CCDC88C: variants seen among roughly 807,000 people sequenced by gnomAD.
CCDC88C encodes the protein protein Daple.
In CCDC88C, 131 loss-of-function variants were observed where a neutral mutation model predicts 198.8. That is an observed-to-expected ratio of 0.66 (90% CI 0.57 to 0.76). The LOEUF is 0.76. Ranked by LOEUF, CCDC88C falls within the 30% of genes least tolerant of loss-of-function variation. CCDC88C has a pLI of 0.00. For synonymous variants in CCDC88C, 1,166 were observed against 1,114.7 expected, an observed-to-expected ratio of 1.05 and a Z score of -0.92; for missense variants, 2,553 against 2,631.6, an observed-to-expected ratio of 0.97 and a Z score of 0.65.
chr14:91,340,070 C>T (rs775174305), intron 6 of CCDC88C, 46 bp from the exon 7 acceptor site: 24 of 1,594,444 alleles, frequency 1.5e-5, no homozygotes, highest in Middle Eastern at 1.7e-4. Context: ...CAGAGACGGG[C>T]GCCCACTTCC....
At chr14:91,277,151 G>A (rs946566155) in intron 29 of CCDC88C, among the ~76,000 whole-genome samples, 2 of 151,996 alleles carry the variant, frequency 1.3e-5, no homozygotes, top group African/African-American at 2.4e-5. Context: ...TGTATTTTTT[G>A]TAGAGACAAG....
At chr14:91,372,138 C>T (rs1894835736) in intron 3 of CCDC88C, among the ~76,000 whole-genome samples, 1 of 152,118 alleles carries the variant, frequency 6.6e-6, no homozygotes, top group Admixed American at 6.5e-5. Context: ...GCAGCCATTC[C>T]CTCTCTCATT....
At position 91,353,761 on chromosome 14, in the gene CCDC88C, GA is replaced by G. The variant is rs1183344555; in HGVS notation, c.340+5880del. Among the ~76,000 whole-genome samples, 9 of 152,220 alleles carry G rather than the reference GA, an allele frequency of 5.9e-5. No individual in the cohort carries two copies. In the South Asian group the frequency reaches 8.3e-4, roughly 14 times the overall value. On this transcript the variant is annotated intron_variant, in intron 4 of 29. Transcript: ENST00000389857. ...CGCACCCTCTGTAACCATCATAAGA[GA>G]GAGAAAACATAGGACAGAGGGCCAG...
At chr14:91,320,131 T>C (rs1264392795) in intron 13 of CCDC88C, among the ~76,000 whole-genome samples, 1 of 152,070 alleles carries the variant, frequency 6.6e-6, no homozygotes, top group African/African-American at 2.4e-5. Flanking sequence ...GATAGGTGTC[T>C]TTCTTGTATG....
intron 3 of CCDC88C, among the ~76,000 whole-genome samples, chr14:91,399,580 G>A (rs1341177029): frequency 6.6e-6 from 1 of 152,164 alleles, no homozygotes; most frequent in African/African-American, 2.4e-5. Flanking sequence ...GCTCACGCCT[G>A]TAATCCCAGC....
At chr14:91,393,579 C>T (rs952239546) in intron 3 of CCDC88C, among the ~76,000 whole-genome samples, 1 of 152,228 alleles carries the variant, frequency 6.6e-6, no homozygotes, top group Non-Finnish European at 1.5e-5. Context: ...ACCACCAACG[C>T]TTCCTTCTTC....
intron 6 of CCDC88C, among the ~76,000 whole-genome samples, chr14:91,340,524 G>A (rs913588845): frequency 3.3e-5 from 5 of 152,120 alleles, no homozygotes; most frequent in African/African-American, 9.7e-5. Context: ...TCATTCCCAC[G>A]GGCCACAGAA....
chr14:91,408,729 A>G lies in CCDC88C; in HGVS notation c.200T>C (p.Val67Ala). ...AATGCGAAGGTTCACATCATTGTTG[A>G]CGTGCTTATTGATGCGTTGATTTGT... ...RPTNQRINKH[V>A]NNDVNLRIQN... The change falls in exon 3 of 30, where the codon GTC (valine) becomes GCC (alanine). Residue 67 changes from valine to alanine, a missense_variant. By Grantham distance (64) the Val-to-Ala change is moderately conservative. Around this residue, in one of 2 missense-constraint regions of CCDC88C, gnomAD observed 1,260 missense variants for 1,412.0 expected, o/e 0.89. Coordinates refer to ENST00000389857, the MANE Select transcript of CCDC88C (RefSeq NM_001080414.4). 6.2e-7 allele frequency: 1 copy of G among 1,613,848 alleles called. No individual in the cohort carries two copies. Among genetic ancestry groups the G allele is most frequent in the East Asian group, 2.2e-5 (1 of 44,888 alleles).
intron 2 of CCDC88C, among the ~76,000 whole-genome samples, chr14:91,414,635 A>G (rs1240350549): frequency 6.6e-6 from 1 of 152,178 alleles, no homozygotes; most frequent in Non-Finnish European, 1.5e-5. Context: ...CTGATGACCC[A>G]TGCAGGAAAC....
chr14:91,313,984 A>G lies in CCDC88C; in HGVS notation c.1832T>C (p.Phe611Ser), dbSNP rs749281497. 1.2e-6 allele frequency: 2 copies of G among 1,613,626 alleles called. No homozygotes were observed. Among genetic ancestry groups the G allele is most frequent in the African/African-American group, 2.7e-5 (2 of 74,890 alleles). The change falls in exon 15 of 30, where the codon TTT becomes TCT. Residue 611 changes from phenylalanine to serine, a missense_variant. By Grantham distance (155) the Phe-to-Ser change is radical. This residue lies in a region of CCDC88C where 1,260 missense variants were observed against 1,412.0 expected (regional missense o/e 0.89). Transcript: ENST00000389857. The surrounding 1 kb of genome is among the most constrained non-coding windows in gnomAD (Gnocchi z 5.2). ...EANGKLSQLE[F>S]EKRQLHRDLE... ...GTCCCTGTGCAGCTGCCGCTTCTCA[A>G]ACTCCAACTGGCTGAGCTTGCCATT...
intron 4 of CCDC88C, among the ~76,000 whole-genome samples, chr14:91,354,682 G>A (rs1692490894): frequency 6.6e-6 from 1 of 152,122 alleles, no homozygotes; most frequent in African/African-American, 2.4e-5. Flanking sequence ...GTGGAGAGAG[G>A]AAGAGAGAAA....
At position 91,339,992 on chromosome 14, in the gene CCDC88C, C is replaced by A; in HGVS notation, c.516G>T (p.Leu172=). ...CCACGTCGGGCAGCTCCAGCCACTG[C>A]AGGTCAAACACGTTCTCTTGGTTGT... is the stretch of plus-strand genomic sequence containing the variant. ...VTHNQENVFD[L]QWLELPDVAP... is the part of the protein sequence containing the mutation. Residue 172 remains leucine, a synonymous_variant, in exon 7 of 30, where the codon CTG becomes CTT. Coordinates refer to ENST00000389857, the MANE Select transcript of CCDC88C (RefSeq NM_001080414.4). This position sits in a 1 kb window ranked among gnomAD's most constrained non-coding sequence, Gnocchi z 5.8. The A allele has an allele frequency of 1.2e-6, 2 of 1,608,182 alleles. No homozygotes were observed. The highest frequency in any genetic ancestry group is 8.5e-7 in the Non-Finnish European group (1 of 1,177,872).
chr14:91,412,177 A>C (rs973941712), intron 2 of CCDC88C, among the ~76,000 whole-genome samples: 7 of 151,886 alleles, frequency 4.6e-5, no homozygotes, highest in Non-Finnish European at 7.3e-5. Context: ...AGGTTAAAAA[A>C]CATGCTAAAT....
chr14:91,403,220 T>C (rs892375357), intron 3 of CCDC88C, among the ~76,000 whole-genome samples: 5 of 152,146 alleles, frequency 3.3e-5, no homozygotes, highest in Non-Finnish European at 5.9e-5. Context: ...GTGAATCCAA[T>C]GGGTAAGTCC....
chr14:91,379,031 T>G (rs1884624001), intron 3 of CCDC88C: 1 of 152,182 alleles, frequency 6.6e-6, no homozygotes, highest in Non-Finnish European at 1.5e-5. Flanking sequence ...TGTGTGGATG[T>G]GGAACTTTAG....
intron 3 of CCDC88C, among the ~76,000 whole-genome samples, chr14:91,368,085 C>G (rs1894623484): frequency 6.6e-6 from 1 of 152,354 alleles, no homozygotes; most frequent in East Asian, 1.9e-4. Context: ...AAAATTAAAT[C>G]AGAAAATATT....
At chr14:91,310,108 C>G in intron 15 of CCDC88C, 122 bp from the exon 16 acceptor site, 2 of 978,464 alleles carry the variant, frequency 2.0e-6, no homozygotes, top group Non-Finnish European at 2.9e-6. Flanking sequence ...CCGTGTGGAG[C>G]GAGGGGACTC....
At chr14:91,392,919 G>A (rs1951251) in intron 3 of CCDC88C, among the ~76,000 whole-genome samples, 73,594 of 151,958 alleles carry the variant, frequency 0.48, 19,044 homozygotes, top group Non-Finnish European at 0.6. Context: ...GTGTGATGAC[G>A]GCGATAATGA....
chr14:91,317,079 G>T (rs1435965385), intron 13 of CCDC88C, among the ~76,000 whole-genome samples: 1 of 152,196 alleles, frequency 6.6e-6, no homozygotes, highest in Non-Finnish European at 1.5e-5. Flanking sequence ...CCAAAGGGCT[G>T]CCCCTCTTCC....
Sources: allele counts gnomAD v4.1 joint callset (sites outside exome capture counted in the v4.1 genomes callset), GRCh38; gene constraint gnomAD v4.1.1; regional missense constraint gnomAD v4.1.1; non-coding constraint Gnocchi (gnomAD v3.1); transcripts MANE v1.5; gene names NCBI Gene and HGNC (gene_info 2026-07-23, HGNC 2026-07-21).